The following TTC7B variants were observed in gnomAD, a reference collection of about 807,000 sequenced individuals.
The protein encoded by TTC7B is tetratricopeptide repeat domain 7B, also known as tetratricopeptide repeat protein 7B.
TTC7B carries 28 observed loss-of-function variants against 106.8 expected under a neutral mutation model. The observed-to-expected ratio is 0.26, with a 90% CI of 0.19 to 0.36. TTC7B has a LOEUF of 0.36. Ranked by LOEUF, TTC7B falls within the 10% of genes least tolerant of loss-of-function variation. TTC7B has a pLI of 1.00. For synonymous variants in TTC7B, 405 were observed against 430.6 expected (o/e 0.94, Z 0.74); for missense variants, 862 against 1,076.4 (o/e 0.80, Z 2.79).
intron 19 of TTC7B, among the ~76,000 whole-genome samples, chr14:90,560,258 C>T (rs1890514804): frequency 6.6e-6 from 1 of 152,232 alleles, no homozygotes; most frequent in African/African-American, 2.4e-5. Flanking sequence ...AACACTTCCA[C>T]CATGGCCGAT....
chr14:90,708,133 G>A lies in TTC7B; in HGVS notation c.699-12555C>T, dbSNP rs182542095. On this transcript the variant is annotated intron_variant, in intron 5 of 19. Transcript: ENST00000328459. ...TGCACTCCAGCCCAGGCGACAGTGC[G>A]AGACTCCATCTCAAAAAAAAAAAAA... Among the ~76,000 whole-genome samples the A allele has an allele frequency of 1.4e-3, 172 of 124,830 alleles. 3 individuals are homozygous for A. The highest frequency in any genetic ancestry group is 2.9e-4 in the Non-Finnish European group (18 of 62,966). 81.9% of individuals were successfully genotyped at this position (124,830 alleles called of 152,430 possible). A position where few individuals can be genotyped will look rare whatever the true frequency, so the allele number is the denominator to read the frequency against.
chr14:90,604,799 C>T (rs1892571949), intron 17 of TTC7B, among the ~76,000 whole-genome samples: 1 of 152,182 alleles, frequency 6.6e-6, no homozygotes, highest in African/African-American at 2.4e-5. Flanking sequence ...ACACAGGGAT[C>T]TTTCTTGTTG....
intron 2 of TTC7B, among the ~76,000 whole-genome samples, chr14:90,781,861 T>G (rs1891230007): frequency 6.6e-6 from 1 of 152,008 alleles, no homozygotes; most frequent in African/African-American, 2.4e-5. Context: ...CCCCAAAGCC[T>G]CATCATTGCC....
chr14:90,780,646 C>T, intron 3 of TTC7B, 92 bp downstream of exon 3: 2 of 1,454,850 alleles, frequency 1.4e-6, no homozygotes, highest in Non-Finnish European at 1.8e-6. Context: ...AGGTTCATCA[C>T]CAGCCAAGGG....
chr14:90,677,895 A>T, intron 8 of TTC7B: 1 of 439,416 alleles, frequency 2.3e-6, no homozygotes, highest in South Asian at 1.6e-5. Flanking sequence ...CTACAAAGTG[A>T]GTCATCTCTT....
At chr14:90,602,165 G>A (rs1415790199) in intron 17 of TTC7B, 1 of 455,946 alleles carries the variant, frequency 2.2e-6, no homozygotes, top group Non-Finnish European at 4.4e-6. Context: ...ATATCCACCA[G>A]CATTTCCCCA....
chr14:90,639,926 T>G (rs1229323499), intron 15 of TTC7B, among the ~76,000 whole-genome samples: 1 of 152,204 alleles, frequency 6.6e-6, no homozygotes, highest in Non-Finnish European at 1.5e-5. Context: ...TAAGGACATA[T>G]TCAGTCTGAT....
chr14:90,789,875 A>G (rs145346558), intron 1 of TTC7B, among the ~76,000 whole-genome samples: 8,590 of 150,908 alleles, frequency 0.057, 277 homozygotes, highest in Non-Finnish European at 0.067. Context: ...CAGCCTGGGC[A>G]ACAGAGCGAG....
At chr14:90,545,308 G>C (rs749181414) in intron 19 of TTC7B, among the ~76,000 whole-genome samples, 18 of 152,234 alleles carry the variant, frequency 1.2e-4, no homozygotes, top group Non-Finnish European at 2.2e-4. Flanking sequence ...CCAAGCAACA[G>C]GAAAGGGGCG....
chr14:90,558,490 G>A (rs1204662556), intron 19 of TTC7B, among the ~76,000 whole-genome samples: 6 of 152,262 alleles, frequency 3.9e-5, no homozygotes, highest in Admixed American at 1.3e-4. Context: ...TACCTGCCAC[G>A]GCGAGTCCGG....
In TTC7B at chr14:90,787,991, G is replaced by A. The variant is rs11159974; in HGVS notation, c.122-1663C>T. On this transcript the variant is annotated intron_variant, in intron 1 of 19. Coordinates refer to ENST00000328459, the MANE Select transcript of TTC7B (RefSeq NM_001010854.2). ...CAGCCTGGCCAATGTGGTGAAACCC[G>A]GTATCTACTAAAAATACAGGAAAAC... 8.6e-5 allele frequency among the ~76,000 whole-genome samples: 13 copies of A among 151,966 alleles called. No individual in the cohort carries two copies. The East Asian group carries it at 2.3e-3, about 27-fold the overall frequency.
At chr14:90,720,487 G>A (rs145388734) in intron 5 of TTC7B, among the ~76,000 whole-genome samples, 8 of 152,258 alleles carry the variant, frequency 5.3e-5, no homozygotes, top group Non-Finnish European at 1.2e-4. Flanking sequence ...AGTGAATGCC[G>A]TAACACATCA....
At chr14:90,636,063 G>A (rs1048825722) in intron 15 of TTC7B, among the ~76,000 whole-genome samples, 3 of 151,612 alleles carry the variant, frequency 2.0e-5, no homozygotes, top group African/African-American at 4.8e-5. Context: ...AGAGGTTGCA[G>A]TGAGCTGAGA....
Position 90,780,798 on chromosome 14 carries a change from G to A in TTC7B, c.385C>T (p.Pro129Ser). Residue 129 changes from proline (P) to serine (S), a missense_variant, in exon 3 of 20, where the codon CCA becomes TCA. Pro to Ser is a moderately conservative substitution (Grantham distance 74, BLOSUM62 -1). Coordinates refer to ENST00000328459, the MANE Select transcript of TTC7B (RefSeq NM_001010854.2). Reference protein sequence around the residue: ...IYARVGLDDLPLTAVPPYRLR... With the variant: ...IYARVGLDDLSLTAVPPYRLR... Reference sequence around the variant, plus strand: ...CTGTAGGGCGGGACAGCTGTCAGTGGCAGATCGTCCAGGCCCACCCGGGCG... The same window carrying A: ...CTGTAGGGCGGGACAGCTGTCAGTGACAGATCGTCCAGGCCCACCCGGGCG... 1 of 1,614,266 alleles carries A rather than the reference G, an allele frequency of 6.2e-7. No homozygotes were observed. The highest frequency in any genetic ancestry group is 8.5e-7 in the Non-Finnish European group (1 of 1,180,052).
In TTC7B at chr14:90,760,025, A is replaced by G. The variant is rs17094704; in HGVS notation, c.446-15103T>C. Reference sequence around the variant, plus strand: ...ATACAGTCTAGTTTGAGAGAGGCAAATGGCAGATGTGAAATAATTAAAATC... The same window carrying G: ...ATACAGTCTAGTTTGAGAGAGGCAAGTGGCAGATGTGAAATAATTAAAATC... On this transcript the variant is annotated intron_variant, in intron 3 of 19. Transcript: ENST00000328459. 1.4e-3 allele frequency among the ~76,000 whole-genome samples: 210 copies of G among 152,366 alleles called. 4 individuals are homozygous for G. The East Asian group carries it at 0.031, about 23-fold the overall frequency.
chr14:90,597,632 T>C (rs977929010), intron 17 of TTC7B, among the ~76,000 whole-genome samples: 7 of 151,780 alleles, frequency 4.6e-5, no homozygotes, highest in Admixed American at 4.6e-4. Context: ...CACTCCAGCC[T>C]GGGCAACAAG....
rs185800049 is a variant in TTC7B, at chr14:90,794,563, C to T, written c.122-8235G>A. On this transcript the variant is annotated intron_variant, in intron 1 of 19. Coordinates refer to ENST00000328459, the MANE Select transcript of TTC7B (RefSeq NM_001010854.2). ...TTCTTTATAGCAGTGTGAGAATGGA[C>T]TAATACAGAGAGAAAGGGGGAACCG... Among the ~76,000 whole-genome samples the T allele has an allele frequency of 1.1e-3, 167 of 152,162 alleles. 1 individual carries two copies. The highest frequency in any genetic ancestry group is 4.0e-3 in the African/African-American group (165 of 41,518).
At chr14:90,793,952 G>A (rs1397350684) in intron 1 of TTC7B, among the ~76,000 whole-genome samples, 1 of 151,730 alleles carries the variant, frequency 6.6e-6, no homozygotes, top group Non-Finnish European at 1.5e-5. Context: ...ACCCAGGCTG[G>A]AGTGCAGTGG....
chr14:90,565,399 CT>C (rs35307541), intron 19 of TTC7B, among the ~76,000 whole-genome samples: 8,869 of 107,362 alleles, frequency 0.083, 130 homozygotes, highest in East Asian at 0.13. Flanking sequence ...TCCTTTCTAG[CT>C]TTTTTTTTTT....
Sources: gnomAD v4.1 joint callset for allele counts (sites outside exome capture counted in the v4.1 genomes callset) on GRCh38, gnomAD v4.1.1 for gene constraint, MANE v1.5 for transcripts, NCBI Gene and HGNC (gene_info 2026-07-23, HGNC 2026-07-21) for gene names.